Variants in KIAA1549 observed in about 807,000 individuals in gnomAD.
The protein encoded by KIAA1549 is KIAA1549, also known as UPF0606 protein KIAA1549.
KIAA1549 carries 70 observed loss-of-function variants against 156.4 expected under a neutral mutation model. The ratio of observed to expected loss-of-function variants is 0.45; its 90% CI spans 0.37 to 0.55. The LOEUF (loss-of-function observed/expected upper bound fraction) is 0.55. Ranked by LOEUF, KIAA1549 falls within the 20% of genes least tolerant of loss-of-function variation. The pLI, the probability that KIAA1549 is intolerant of heterozygous loss-of-function variation, is 0.00. For missense variants in KIAA1549, 2,428 were observed against 2,540.9 expected (o/e 0.96, Z 0.96); for synonymous variants, 1,103 against 1,066.4 (o/e 1.03, Z -0.67).
intron 1 of KIAA1549, among the ~76,000 whole-genome samples, chr7:138,924,742 CAGG>C (rs1812663571): frequency 1.3e-5 from 2 of 152,110 alleles, no homozygotes; most frequent in Non-Finnish European, 2.9e-5. Flanking sequence ...GCAGTTAACT[CAGG>C]AGGAGACTAG....
At chr7:138,947,064 A>C (rs1396445442) in intron 1 of KIAA1549, among the ~76,000 whole-genome samples, 2 of 151,406 alleles carry the variant, frequency 1.3e-5, no homozygotes, top group African/African-American at 4.9e-5. Context: ...GTTCTCACCA[A>C]GCAGGATAAT....
At chr7:138,919,505 A>G in intron 1 of KIAA1549, 67 bp from the exon 2 acceptor site, 1 of 1,540,674 alleles carries the variant, frequency 6.5e-7, no homozygotes. Context: ...GTTTTGTTTC[A>G]GGCATGAGAA....
chr7:138,972,456 C>A (rs1814248205), intron 1 of KIAA1549, among the ~76,000 whole-genome samples: 1 of 150,054 alleles, frequency 6.7e-6, no homozygotes, highest in South Asian at 2.1e-4. Flanking sequence ...CCACGGTTCA[C>A]CTCCTACCTC....
intron 15 of KIAA1549, among the ~76,000 whole-genome samples, chr7:138,862,803 G>A (rs777004363): frequency 2.6e-5 from 4 of 152,068 alleles, no homozygotes; most frequent in African/African-American, 4.8e-5. Context: ...TAGTGTGCAC[G>A]CCTGTAATCT....
intron 14 of KIAA1549, 21 bp from the exon 15 acceptor site, chr7:138,868,149 T>A: frequency 6.2e-7 from 1 of 1,606,222 alleles, no homozygotes; most frequent in Non-Finnish European, 8.5e-7. Flanking sequence ...AAAGAGAAAT[T>A]ATCTTCGTAG....
chr7:138,887,219 T>C (rs1040330785), intron 10 of KIAA1549, among the ~76,000 whole-genome samples: 1 of 152,102 alleles, frequency 6.6e-6, no homozygotes, highest in African/African-American at 2.4e-5. Context: ...CTATTTATTA[T>C]TAAATATTTA....
chr7:138,851,503 T>A (rs1219394199), intron 17 of KIAA1549, among the ~76,000 whole-genome samples: 1 of 151,846 alleles, frequency 6.6e-6, no homozygotes, highest in Non-Finnish European at 1.5e-5. Flanking sequence ...GCTTCTATTG[T>A]CTATTTCTTT....
intron 1 of KIAA1549, among the ~76,000 whole-genome samples, chr7:138,975,257 A>G (rs1300335512): frequency 6.6e-6 from 1 of 152,220 alleles, no homozygotes; most frequent in East Asian, 1.9e-4. Context: ...GAGAAAGAAT[A>G]AGAGAAAGCA....
In KIAA1549 at chr7:138,903,664, T is replaced by C. The variant is rs144488000; in HGVS notation, c.3593A>G (p.Gln1198Arg). The C allele has an allele frequency of 0.015, 24,424 of 1,612,430 alleles. 234 individuals are homozygous for C. The highest frequency in any genetic ancestry group is 0.019 in the Non-Finnish European group (21,917 of 1,179,308). Residue 1198 changes from glutamine to arginine, a missense_variant, in exon 8 of 20, where the codon CAG (glutamine) becomes CGG (arginine). This residue lies in a region of KIAA1549 where 762 missense variants were observed against 901.6 expected (regional missense o/e 0.85). Coordinates refer to ENST00000422774, the MANE Select transcript of KIAA1549 (RefSeq NM_001164665.2). Reference protein sequence around the residue: ...FQAEMERKLAQLLSEVSTRRR... With the variant: ...FQAEMERKLARLLSEVSTRRR... ...TCTGGTGGAAACCTCGCTGAGCAGCTGGGCCAGCTTGCGTTCCATCTCGGC... is the reference window on the plus strand; with the variant it reads ...TCTGGTGGAAACCTCGCTGAGCAGCCGGGCCAGCTTGCGTTCCATCTCGGC...
At chr7:138,870,781 T>TGGGTC (rs1307657028) in intron 13 of KIAA1549, among the ~76,000 whole-genome samples, 1 of 152,218 alleles carries the variant, frequency 6.6e-6, no homozygotes, top group African/African-American at 2.4e-5. Flanking sequence ...TTGCACTCAT[T>TGGGTC]TTCAAACACA....
At chr7:138,903,534 A>C (rs766975037) in intron 8 of KIAA1549, 54 bp downstream of exon 8, 70 of 1,566,338 alleles carry the variant, frequency 4.5e-5, no homozygotes, top group Non-Finnish European at 5.8e-5. Context: ...ACTCACACGC[A>C]AGCGCTGTCT....
rs987714644 is a variant in KIAA1549, at chr7:138,835,348, G to A, written c.*2558C>T. 5.6e-5 allele frequency: 12 copies of A among 213,834 alleles called. No homozygotes were observed. The highest frequency in any genetic ancestry group is 8.5e-5 in the Non-Finnish European group (9 of 105,902). 13.2% of individuals were successfully genotyped at this position (213,834 alleles called of 1,614,324 possible). Reference sequence around the variant, plus strand: ...CTGCTCACACCACACCATAACCACCGGCTGTTTATTATACATCATCTTTGG... The same window carrying A: ...CTGCTCACACCACACCATAACCACCAGCTGTTTATTATACATCATCTTTGG... On this transcript the variant is annotated 3_prime_UTR_variant, in exon 20 of 20. Coordinates refer to ENST00000422774, the MANE Select transcript of KIAA1549 (RefSeq NM_001164665.2).
chr7:138,879,933 C>T (rs1186220191), intron 11 of KIAA1549, among the ~76,000 whole-genome samples: 1 of 152,126 alleles, frequency 6.6e-6, no homozygotes, highest in Non-Finnish European at 1.5e-5. Flanking sequence ...CCACAGTTAC[C>T]AGGGCTCAAG....
chr7:138,885,005 G>A (rs1283249422), intron 10 of KIAA1549, among the ~76,000 whole-genome samples: 3 of 152,226 alleles, frequency 2.0e-5, no homozygotes, highest in Non-Finnish European at 2.9e-5. Context: ...AGACCAGCCT[G>A]ACCAACATGG....
At chr7:138,931,659 G>A (rs1812875299) in intron 1 of KIAA1549, among the ~76,000 whole-genome samples, 1 of 151,460 alleles carries the variant, frequency 6.6e-6, no homozygotes, top group African/African-American at 2.4e-5. Flanking sequence ...GGCTGAGGCA[G>A]GAGACTCTCT....
chr7:138,876,903 A>T (rs1811100351), intron 12 of KIAA1549, among the ~76,000 whole-genome samples: 2 of 152,226 alleles, frequency 1.3e-5, no homozygotes, highest in Admixed American at 1.3e-4. Flanking sequence ...TCAGCTGGAA[A>T]AGGAATAAAG....
At chr7:138,898,880 A>G in intron 9 of KIAA1549, 75 bp downstream of exon 9, 2 of 1,294,730 alleles carry the variant, frequency 1.5e-6, no homozygotes, top group Admixed American at 1.8e-5. Context: ...TTACATTCAG[A>G]GCTCACTGTC....
In KIAA1549 at chr7:138,833,429, G is replaced by T; in HGVS notation, c.*4477C>A. 4.3e-6 allele frequency: 1 copy of T among 232,702 alleles called. No individual in the cohort carries two copies. The highest frequency in any genetic ancestry group is 8.5e-6 in the Non-Finnish European group (1 of 117,720). 14.4% of individuals were successfully genotyped at this position (232,702 alleles called of 1,614,324 possible). A position where few individuals can be genotyped will look rare whatever the true frequency, so the allele number is the denominator to read the frequency against. Reference sequence around the variant, plus strand: ...GAAGGAACGCTGAACCTGTCCACGGGAAACGGGAGACTCCTATAGCACAGA... The same window carrying T: ...GAAGGAACGCTGAACCTGTCCACGGTAAACGGGAGACTCCTATAGCACAGA... On this transcript the variant is annotated 3_prime_UTR_variant, in exon 20 of 20. Coordinates refer to ENST00000422774, the MANE Select transcript of KIAA1549 (RefSeq NM_001164665.2).
At chr7:138,878,441 A>C (rs558293203) in intron 12 of KIAA1549, among the ~76,000 whole-genome samples, 1 of 152,206 alleles carries the variant, frequency 6.6e-6, no homozygotes, top group Non-Finnish European at 1.5e-5. Context: ...ATGATTAAAA[A>C]CTGTAAGTAT....
Sources: allele counts gnomAD v4.1 joint callset (sites outside exome capture counted in the v4.1 genomes callset), GRCh38; gene constraint gnomAD v4.1.1; regional missense constraint gnomAD v4.1.1; transcripts MANE v1.5; gene names NCBI Gene and HGNC (gene_info 2026-07-23, HGNC 2026-07-21).